Variants in MCUB observed in about 807,000 individuals in gnomAD.
MCUB encodes mitochondrial calcium uniporter dominant negative subunit beta.
A neutral mutation model predicts 41.4 loss-of-function variants in MCUB; 46 were observed. That is an observed-to-expected ratio of 1.11 (90% confidence interval 0.88 to 1.42). The LOEUF (loss-of-function observed/expected upper bound fraction) is 1.42, where lower values mean the gene tolerates loss of function less well. Ranked by LOEUF, MCUB falls within the 40% of genes most tolerant of loss-of-function variation. The pLI is 0.00. For synonymous variants in MCUB, 148 were observed against 148.2 expected, an observed-to-expected ratio of 1.00 and a Z score of 0.01; for missense variants, 403 against 404.9, an observed-to-expected ratio of 1.00 and a Z score of 0.04.
At chr4:109,686,174 G>A (rs949158197) in intron 7 of MCUB, among the ~76,000 whole-genome samples, 2 of 152,174 alleles carry the variant, frequency 1.3e-5, no homozygotes, top group African/African-American at 2.4e-5. Flanking sequence ...GATTCTTGCT[G>A]TTGCCCACAC....
At chr4:109,659,406 A>G (rs1729176554) in intron 2 of MCUB, among the ~76,000 whole-genome samples, 1 of 152,102 alleles carries the variant, frequency 6.6e-6, no homozygotes, top group Admixed American at 6.5e-5. Context: ...CCTGGCCAAC[A>G]AAGCAAAACC....
intron 1 of MCUB, among the ~76,000 whole-genome samples, chr4:109,604,855 T>G (rs1415348321): frequency 6.6e-6 from 1 of 152,194 alleles, no homozygotes; most frequent in African/African-American, 2.4e-5. Flanking sequence ...CATGGTTCCC[T>G]CCTTGGGATA....
In MCUB at chr4:109,678,648, G is replaced by A. The variant is rs192245924; in HGVS notation, c.452-3934G>A. ...CAGACGGGGTGGCGGCCGGGCAGAG[G>A]CGCTCCTCACCTCTCAGATGGGGCG... On this transcript the variant is annotated intron_variant, in intron 4 of 7. Coordinates refer to ENST00000394650, the MANE Select transcript of MCUB (RefSeq NM_017918.5). 2.0e-3 allele frequency among the ~76,000 whole-genome samples: 280 copies of A among 141,150 alleles called. 1 individual carries two copies. Among genetic ancestry groups the A allele is most frequent in the African/African-American group, 7.4e-3 (273 of 37,112 alleles). The allele number at this position is 141,150 out of a possible 152,430, so 92.6% of individuals were successfully genotyped here.
chr4:109,622,984 A>G (rs1318809297), intron 1 of MCUB, among the ~76,000 whole-genome samples: 1 of 152,168 alleles, frequency 6.6e-6, no homozygotes, highest in Non-Finnish European at 1.5e-5. Context: ...GCATCCTGTC[A>G]TGTCTACAGT....
intron 1 of MCUB, among the ~76,000 whole-genome samples, chr4:109,568,406 C>T (rs913980396): frequency 2.6e-5 from 4 of 152,160 alleles, no homozygotes; most frequent in Non-Finnish European, 4.4e-5. Flanking sequence ...CTATCTCTTC[C>T]GTATCCCCGC....
intron 1 of MCUB, among the ~76,000 whole-genome samples, chr4:109,611,219 G>A (rs1009650545): frequency 3.3e-5 from 5 of 152,134 alleles, no homozygotes; most frequent in Non-Finnish European, 1.5e-5. Context: ...TGTTTCCAAG[G>A]TCTAGGCTTC....
rs1728189926 is a variant in MCUB, at chr4:109,618,997, A to ACCT, written c.100-40014_100-40013insCCT. Among the ~76,000 whole-genome samples, 4 of 122,898 alleles carry ACCT rather than the reference A, an allele frequency of 3.3e-5. No homozygotes were observed. In the East Asian group the frequency reaches 6.9e-4, roughly 21 times the overall value. 80.6% of individuals were successfully genotyped at this position (122,898 alleles called of 152,430 possible). On this transcript the variant is annotated intron_variant, in intron 1 of 7. Transcript: ENST00000394650. ...CTCTCTCTCTCTCTCTCTACCTACC[A>ACCT]ACCTACCTACCTACCTACCTATCTA... is the stretch of plus-strand genomic sequence containing the variant.
chr4:109,652,839 A>G (rs984771944), intron 1 of MCUB, among the ~76,000 whole-genome samples: 5 of 152,178 alleles, frequency 3.3e-5, no homozygotes, highest in African/African-American at 4.8e-5. Flanking sequence ...TCTTGAAAAC[A>G]TTCCTGCATT....
intron 1 of MCUB, among the ~76,000 whole-genome samples, chr4:109,569,338 G>A (rs571057285): frequency 4.0e-5 from 6 of 151,800 alleles, no homozygotes; most frequent in African/African-American, 9.7e-5. Context: ...TAGCCACTGC[G>A]CCTGGCCATG....
At chr4:109,642,635 T>TA (rs1728744535) in intron 1 of MCUB, among the ~76,000 whole-genome samples, 1 of 70,556 alleles carries the variant, frequency 1.4e-5, no homozygotes, top group Non-Finnish European at 2.7e-5. Context: ...GTTTCCTTTT[T>TA]GAATCAGGCT....
At chr4:109,634,947 C>G (rs1174201669) in intron 1 of MCUB, among the ~76,000 whole-genome samples, 1 of 152,074 alleles carries the variant, frequency 6.6e-6, no homozygotes, top group East Asian at 1.9e-4. Flanking sequence ...ATGCTCTCTC[C>G]CCTAGCCCCC....
chr4:109,614,340 C>A (rs1342067253), intron 1 of MCUB, among the ~76,000 whole-genome samples: 2 of 152,034 alleles, frequency 1.3e-5, no homozygotes. Flanking sequence ...ATGTGGAAAC[C>A]TTAAGCCTCA....
intron 1 of MCUB, chr4:109,648,706 T>C: frequency 2.7e-6 from 1 of 375,180 alleles, no homozygotes; most frequent in Non-Finnish European, 5.0e-6. Context: ...TTTTTTTTTT[T>C]TTTTTGGTAC....
At chr4:109,561,916 T>G (rs1477238802) in intron 1 of MCUB, among the ~76,000 whole-genome samples, 1 of 152,100 alleles carries the variant, frequency 6.6e-6, no homozygotes, top group Non-Finnish European at 1.5e-5. Flanking sequence ...ACCCGGCTAA[T>G]TTTTGTATTT....
Position 109,685,260 on chromosome 4 carries a change from T to TA in MCUB, c.827dup (p.Tyr276Ter). 1 of 1,365,232 alleles carries TA rather than the reference T, an allele frequency of 7.3e-7. No homozygotes were observed. The highest frequency in any genetic ancestry group is 1.0e-6 in the Non-Finnish European group (1 of 955,950). The allele number at this position is 1,365,232 out of a possible 1,614,324, so 84.6% of individuals were successfully genotyped here. Residue 276 changes from tyrosine (Y) to a stop codon, truncating the protein, a stop_gained and frameshift_variant, in exon 7 of 8, where the codon TAC becomes TAAC. Coordinates refer to ENST00000394650, the MANE Select transcript of MCUB (RefSeq NM_017918.5). LOFTEE classifies it high-confidence loss of function. ...TCTCTTTTTTTTTAAGGATTATACT[T>TA]ACTCAGCTGTTAAGAGTAGGCAATT... Reference protein sequence around the residue: ...YFIVTRQDYTYSAVKSRQFLQ... With the variant: ...YFIVTRQDYT
Position 109,668,740 on chromosome 4 carries a change from T to G in MCUB, c.451+4346T>G, listed in dbSNP as rs926423943. On this transcript the variant is annotated intron_variant, in intron 4 of 7. Transcript: ENST00000394650. The stretch of plus-strand genomic sequence containing the variant: ...TTTTGTCTTCCACATTTTTTCTGCC[T>G]TTTTTGGTTTTTAATTGAGCATTCT... 5.9e-5 allele frequency among the ~76,000 whole-genome samples: 9 copies of G among 151,988 alleles called. No homozygotes were observed. In the South Asian group the frequency reaches 6.2e-4, roughly 10 times the overall value.
intron 1 of MCUB, among the ~76,000 whole-genome samples, chr4:109,607,640 A>G (rs1226422631): frequency 6.6e-6 from 1 of 152,204 alleles, no homozygotes; most frequent in African/African-American, 2.4e-5. Flanking sequence ...TGTTTAAAGG[A>G]TATTTTCACT....
chr4:109,565,232 T>A (rs1726743008), intron 1 of MCUB, among the ~76,000 whole-genome samples: 1 of 152,224 alleles, frequency 6.6e-6, no homozygotes. Flanking sequence ...GCATAGGTCT[T>A]TCACATTTGT....
At chr4:109,570,771 G>A (rs1193462642) in intron 1 of MCUB, among the ~76,000 whole-genome samples, 1 of 152,170 alleles carries the variant, frequency 6.6e-6, no homozygotes, top group Non-Finnish European at 1.5e-5. Flanking sequence ...ACGTTAATAA[G>A]GACCAATTAC....
Sources: gnomAD v4.1 joint callset for allele counts (sites outside exome capture counted in the v4.1 genomes callset) on GRCh38, gnomAD v4.1.1 for gene constraint, MANE v1.5 for transcripts, NCBI Gene and HGNC (gene_info 2026-07-23, HGNC 2026-07-21) for gene names.